HYCC2: variants seen among roughly 807,000 people sequenced by gnomAD.
The protein encoded by HYCC2 is hyccin PI4KA lipid kinase complex subunit 2, also known as hyccin 2.
chr2:200,989,642 G>GTCT, the HYCC2 span, among the ~76,000 whole-genome samples: 2 of 151,742 alleles, frequency 1.3e-5, no homozygotes, highest in Non-Finnish European at 2.9e-5. Context: ...GTGAGATCTC[G>GTCT]TCTCCACAAA....
chr2:201,058,446 C>T, the HYCC2 span, among the ~76,000 whole-genome samples: 4 of 152,254 alleles, frequency 2.6e-5, no homozygotes, highest in Non-Finnish European at 1.5e-5. Flanking sequence ...CACAGCGGCT[C>T]ACGCCTGTAA....
At chr2:201,015,713 A>G in the HYCC2 span, among the ~76,000 whole-genome samples, 1 of 152,184 alleles carries the variant, frequency 6.6e-6, no homozygotes, top group Non-Finnish European at 1.5e-5. Context: ...AGATTCTCCA[A>G]AACTGACACA....
At chr2:201,012,357 A>C in the HYCC2 span, among the ~76,000 whole-genome samples, 1 of 152,138 alleles carries the variant, frequency 6.6e-6, no homozygotes, top group Admixed American at 6.5e-5. Flanking sequence ...GCTACTCAGG[A>C]GGCTGAGGTG....
At chr2:201,035,873 A>G in the HYCC2 span, among the ~76,000 whole-genome samples, 6 of 152,120 alleles carry the variant, frequency 3.9e-5, no homozygotes, top group African/African-American at 1.2e-4. Context: ...TCCACTCCAG[A>G]CCCTGTTTGC....
the HYCC2 span, chr2:200,974,899 A>G: frequency 2.0e-5 from 3 of 152,006 alleles, no homozygotes; most frequent in African/African-American, 7.2e-5. Flanking sequence ...ATTATTTAAC[A>G]AACTTTACCA....
At chr2:201,063,279 C>T in the HYCC2 span, 2 of 1,552,354 alleles carry the variant, frequency 1.3e-6, no homozygotes, top group Admixed American at 3.3e-5. Flanking sequence ...ACATATGCCA[C>T]TGTGAAGGAG....
chr2:200,981,945 C>T, the HYCC2 span: 1 of 1,494,960 alleles, frequency 6.7e-7, no homozygotes, highest in South Asian at 1.3e-5. The surrounding 1 kb of genome is among the most constrained non-coding windows in gnomAD (Gnocchi z 4.5). Context: ...CAACACTGAC[C>T]TTATCTCTTG....
chr2:200,999,589 T>C, the HYCC2 span, among the ~76,000 whole-genome samples: 7 of 151,128 alleles, frequency 4.6e-5, no homozygotes, highest in South Asian at 4.2e-4. Flanking sequence ...AGGGTTTCAC[T>C]ATTTTGGCCA....
the HYCC2 span, among the ~76,000 whole-genome samples, chr2:201,005,721 C>T: frequency 1.1e-4 from 16 of 152,248 alleles, no homozygotes; most frequent in African/African-American, 3.9e-4. Flanking sequence ...AAATAGAGAC[C>T]AACACGATGG....
the HYCC2 span, chr2:201,062,960 G>T: frequency 3.5e-6 from 4 of 1,132,914 alleles, no homozygotes. Flanking sequence ...TACTGCTGCT[G>T]CTGCTGCTAT....
chr2:200,991,596 G>C, the HYCC2 span, among the ~76,000 whole-genome samples: 99 of 151,490 alleles, frequency 6.5e-4, 1 homozygote, highest in African/African-American at 1.9e-3. Flanking sequence ...AAAATCACCT[G>C]GGCATGGTGA....
At chr2:201,026,471 A>T in the HYCC2 span, among the ~76,000 whole-genome samples, 7,069 of 152,310 alleles carry the variant, frequency 0.046, 238 homozygotes, top group Non-Finnish European at 0.073. Context: ...CACCTAATAG[A>T]CATCTACAGA....
chr2:201,007,683 C>T, the HYCC2 span, among the ~76,000 whole-genome samples: 2 of 152,180 alleles, frequency 1.3e-5, no homozygotes, highest in Non-Finnish European at 2.9e-5. Flanking sequence ...CTGACCACAT[C>T]TGACTTTCTT....
At chr2:201,017,293 A>G in the HYCC2 span, 1 of 742,998 alleles carries the variant, frequency 1.3e-6, no homozygotes, top group South Asian at 2.6e-5. Flanking sequence ...ATTTCTCCAC[A>G]TTTTAATTTA....
At chr2:200,991,748 A>T in the HYCC2 span, among the ~76,000 whole-genome samples, 1 of 132,826 alleles carries the variant, frequency 7.5e-6, no homozygotes, top group East Asian at 1.9e-4. Flanking sequence ...AACAAAATAA[A>T]AATAAAAAAT....
At chr2:201,049,374 G>C in the HYCC2 span, among the ~76,000 whole-genome samples, 1 of 151,916 alleles carries the variant, frequency 6.6e-6, no homozygotes, top group Admixed American at 6.6e-5. Context: ...TTTTGAGACG[G>C]AGTCTCGCTC....
chr2:200,975,336 G>T, the HYCC2 span: 2 of 151,920 alleles, frequency 1.3e-5, no homozygotes, highest in Admixed American at 6.6e-5. Context: ...AAGATGTAAA[G>T]AACTTCCTTT....
chr2:201,014,633 C>A, the HYCC2 span, among the ~76,000 whole-genome samples: 1 of 152,086 alleles, frequency 6.6e-6, no homozygotes, highest in African/African-American at 2.4e-5. Flanking sequence ...ATTCTAAAGC[C>A]CTTGCTCCTT....
chr2:201,046,883 CA>C, the HYCC2 span, among the ~76,000 whole-genome samples: 2 of 152,054 alleles, frequency 1.3e-5, no homozygotes, highest in African/African-American at 4.8e-5. Flanking sequence ...CTTTCATATA[CA>C]AAGTCTGGCA....
Sources: allele counts gnomAD v4.1 joint callset (sites outside exome capture counted in the v4.1 genomes callset), GRCh38; gene constraint gnomAD v4.1.1; non-coding constraint Gnocchi (gnomAD v3.1); transcripts MANE v1.5; gene names NCBI Gene and HGNC (gene_info 2026-07-23, HGNC 2026-07-21).